The following EYS variants were observed in gnomAD, a reference collection of about 807,000 sequenced individuals.
EYS encodes EGF-like photoreceptor maintenance factor, also known as protein eyes shut homolog.
EYS carries 250 observed loss-of-function variants against 282.1 expected under a neutral mutation model. The observed-to-expected ratio is 0.89, with a 90% CI of 0.80 to 0.98. The LOEUF is 0.98. Among genes scored for constraint, EYS ranks in the 50% least tolerant of loss-of-function variants. The pLI is 0.00. For missense variants in EYS, 4,016 were observed against 3,709.0 expected (o/e 1.08, Z -2.15); for synonymous variants, 1,355 against 1,282.9 (o/e 1.06, Z -1.20).
At chr6:64,513,745 T>G (rs1047770901) in intron 26 of EYS, among the ~76,000 whole-genome samples, 3 of 151,848 alleles carry the variant, frequency 2.0e-5, no homozygotes, top group Non-Finnish European at 4.4e-5. Flanking sequence ...AATATTATAA[T>G]TAGTGTAAAA....
At chr6:64,262,103 T>G (rs1315829307) in intron 30 of EYS, among the ~76,000 whole-genome samples, 2 of 152,008 alleles carry the variant, frequency 1.3e-5, no homozygotes, top group Non-Finnish European at 2.9e-5. Context: ...GAGATAAAAT[T>G]GTAAATGTAA....
At position 63,762,505 on chromosome 6, in the gene EYS, G is replaced by A. The variant is rs1406087030; in HGVS notation, c.8027C>T (p.Thr2676Ile). 6.5e-7 allele frequency: 1 copy of A among 1,550,124 alleles called. No individual in the cohort carries two copies. ...ATCISLPHGY[T>I]CFCPLGTTGI... Reference sequence around the variant, plus strand: ...AGTGGTTCCTAGAGGACAGAAACAGGTGTATCCATGAGGTAATGAAATGCA... The same window carrying A: ...AGTGGTTCCTAGAGGACAGAAACAGATGTATCCATGAGGTAATGAAATGCA... Residue 2676 changes from threonine (T) to isoleucine (I), a missense_variant, in exon 41 of 43, where the codon ACC becomes ATC. By Grantham distance (89) the Thr-to-Ile change is moderately conservative (BLOSUM62 -1). Transcript: ENST00000503581.
intron 2 of EYS, among the ~76,000 whole-genome samples, chr6:65,615,955 GA>G (rs920604694): frequency 4.1e-4 from 60 of 145,372 alleles, no homozygotes; most frequent in South Asian, 1.3e-3. Flanking sequence ...AAAAAAGAAA[GA>G]AAAAAAAATT....
At chr6:65,067,066 G>A (rs1385680920) in intron 12 of EYS, among the ~76,000 whole-genome samples, 2 of 152,082 alleles carry the variant, frequency 1.3e-5, no homozygotes, top group Non-Finnish European at 2.9e-5. Flanking sequence ...TAAGATATCT[G>A]CTATTCTTAA....
intron 33 of EYS, among the ~76,000 whole-genome samples, chr6:64,066,097 A>C (rs2149855386): frequency 6.6e-6 from 1 of 152,192 alleles, no homozygotes; most frequent in East Asian, 1.9e-4. Context: ...CCCCATCTCT[A>C]CTAAAACAAA....
chr6:65,082,625 C>T (rs1774258019), intron 12 of EYS, among the ~76,000 whole-genome samples: 2 of 151,930 alleles, frequency 1.3e-5, no homozygotes, highest in African/African-American at 4.8e-5. Flanking sequence ...TGAAAATGAA[C>T]AGAAACTTGC....
At chr6:64,109,894 G>T (rs74531556) in intron 31 of EYS, among the ~76,000 whole-genome samples, 10,748 of 152,062 alleles carry the variant, frequency 0.071, 1,047 homozygotes, top group African/African-American at 0.22. Flanking sequence ...GGCAAGCAAT[G>T]GGTATGAAAA....
At position 64,374,949 on chromosome 6, in the gene EYS, T is replaced by C. The variant is rs897908515; in HGVS notation, c.6078+13741A>G. ...TTTTGGACATTTCATTCCTAAAAGA[T>C]TCCAAGTGGAGCAAAAAAGAGTTCT... On this transcript the variant is annotated intron_variant, in intron 29 of 42. Transcript: ENST00000503581. Among the ~76,000 whole-genome samples, 4 of 152,268 alleles carry C rather than the reference T, an allele frequency of 2.6e-5. No homozygotes were observed. The East Asian group carries it at 5.8e-4, about 22-fold the overall frequency.
At chr6:64,278,228 A>G (rs1051477966) in intron 30 of EYS, among the ~76,000 whole-genome samples, 6 of 152,166 alleles carry the variant, frequency 3.9e-5, no homozygotes, top group African/African-American at 1.4e-4. Flanking sequence ...AATTAAGCAG[A>G]AAGTTTATGT....
chr6:65,116,300 G>C (rs16896272), intron 12 of EYS, among the ~76,000 whole-genome samples: 34,773 of 151,908 alleles, frequency 0.23, 4,553 homozygotes, highest in African/African-American at 0.34. Flanking sequence ...ATAAACAAAA[G>C]AAGTCAACAT....
chr6:65,636,819 A>T (rs1231051328), intron 2 of EYS, among the ~76,000 whole-genome samples: 1 of 151,966 alleles, frequency 6.6e-6, no homozygotes, highest in Non-Finnish European at 1.5e-5. Context: ...TTAGTTATTT[A>T]TTTTTTGAGG....
At chr6:64,517,387 A>G (rs1186722617) in intron 26 of EYS, among the ~76,000 whole-genome samples, 1 of 151,884 alleles carries the variant, frequency 6.6e-6, no homozygotes, top group East Asian at 1.9e-4. Context: ...GGCAGTGGGT[A>G]GTAAAGCCAT....
chr6:65,228,806 A>G (rs1401707250), intron 12 of EYS, among the ~76,000 whole-genome samples: 2 of 152,084 alleles, frequency 1.3e-5, no homozygotes, highest in Non-Finnish European at 2.9e-5. Context: ...TATTGGTAAG[A>G]GAGAAAGACA....
intron 13 of EYS, among the ~76,000 whole-genome samples, chr6:65,017,028 G>A (rs9363321): frequency 0.068 from 10,275 of 152,080 alleles, 436 homozygotes; most frequent in East Asian, 0.13. Context: ...GTAAACCAAG[G>A]AAGTCTGAGT....
intron 22 of EYS, among the ~76,000 whole-genome samples, chr6:64,699,129 T>G (rs1770692093): frequency 1.3e-5 from 2 of 152,140 alleles, no homozygotes; most frequent in East Asian, 1.9e-4. Context: ...TACCATAGAA[T>G]ATTATGCAGC....
intron 30 of EYS, among the ~76,000 whole-genome samples, chr6:64,251,366 G>T (rs1767210558): frequency 1.3e-5 from 2 of 152,088 alleles, no homozygotes; most frequent in Admixed American, 1.3e-4. Context: ...GGACCTCAGA[G>T]AATTATGGTA....
chr6:65,006,807 A>G (rs1368122930), intron 13 of EYS, among the ~76,000 whole-genome samples: 1 of 152,206 alleles, frequency 6.6e-6, no homozygotes, highest in Non-Finnish European at 1.5e-5. Flanking sequence ...AAAATTGCCT[A>G]ATAATTGGTC....
intron 26 of EYS, among the ~76,000 whole-genome samples, chr6:64,572,190 A>G (rs1765748384): frequency 6.6e-6 from 1 of 152,216 alleles, no homozygotes; most frequent in Middle Eastern, 3.2e-3. Context: ...GATTATTTAA[A>G]TAGATGAAGA....
intron 12 of EYS, among the ~76,000 whole-genome samples, chr6:65,064,325 T>TAA (rs1162180865): frequency 7.0e-6 from 1 of 143,556 alleles, no homozygotes; most frequent in Non-Finnish European, 1.5e-5. Context: ...TGGATTGTCC[T>TAA]AAGTCCTGAA....
Sources: allele counts gnomAD v4.1 joint callset (sites outside exome capture counted in the v4.1 genomes callset), GRCh38; gene constraint gnomAD v4.1.1; transcripts MANE v1.5; gene names NCBI Gene and HGNC (gene_info 2026-07-23, HGNC 2026-07-21).